EEFSEC: variants seen among roughly 807,000 people sequenced by gnomAD.
EEFSEC encodes the protein selenocysteine-specific elongation factor.
EEFSEC carries 43 observed loss-of-function variants against 42.1 expected under a neutral mutation model. The observed-to-expected ratio is 1.02, with a 90% CI of 0.80 to 1.32. EEFSEC has a LOEUF of 1.32. EEFSEC is among the 40% of genes most tolerant of loss of function. The pLI, the probability that EEFSEC is intolerant of heterozygous loss-of-function variation, is 0.00. For missense variants in EEFSEC, 745 were observed against 803.6 expected, an observed-to-expected ratio of 0.93 and a Z score of 0.88; for synonymous variants, 354 against 339.1, an observed-to-expected ratio of 1.04 and a Z score of -0.48.
the EEFSEC span, among the ~76,000 whole-genome samples, chr3:128,421,248 T>G: frequency 6.6e-6 from 1 of 152,164 alleles, no homozygotes; most frequent in African/African-American, 2.4e-5. Context: ...CTGCACAACC[T>G]CTGAGCAAGC....
intron 1 of EEFSEC, among the ~76,000 whole-genome samples, chr3:128,187,814 C>T (rs1393951883): frequency 1.3e-5 from 2 of 152,136 alleles, no homozygotes; most frequent in South Asian, 2.1e-4. Context: ...GTGTGGAGTC[C>T]TCATGGATGA....
chr3:128,226,050 T>A (rs1035177534), intron 1 of EEFSEC, among the ~76,000 whole-genome samples: 1 of 152,160 alleles, frequency 6.6e-6, no homozygotes, highest in Non-Finnish European at 1.5e-5. Flanking sequence ...CCAATAAGAA[T>A]CGGGGCAGGA....
At chr3:128,272,639 T>A (rs1220188603) in intron 4 of EEFSEC, among the ~76,000 whole-genome samples, 2 of 152,280 alleles carry the variant, frequency 1.3e-5, no homozygotes, top group South Asian at 2.1e-4. Context: ...AAAGTATCAT[T>A]TATGATATGA....
intron 1 of EEFSEC, among the ~76,000 whole-genome samples, chr3:128,213,167 G>A (rs933880180): frequency 6.6e-6 from 1 of 152,354 alleles, no homozygotes; most frequent in South Asian, 2.1e-4. Flanking sequence ...GACCTGGGTT[G>A]TGGCAGTTGC....
At chr3:128,337,681 C>T (rs1193021850) in intron 4 of EEFSEC, among the ~76,000 whole-genome samples, 3 of 152,254 alleles carry the variant, frequency 2.0e-5, no homozygotes, top group African/African-American at 4.8e-5. Flanking sequence ...TCAGCAGCTC[C>T]TGTGCTGGGC....
chr3:128,402,471 G>C (rs575091862), intron 6 of EEFSEC, among the ~76,000 whole-genome samples: 4 of 152,170 alleles, frequency 2.6e-5, no homozygotes, highest in Non-Finnish European at 5.9e-5. Context: ...AAAACGTGCC[G>C]CTCCCTTAGT....
intron 1 of EEFSEC, among the ~76,000 whole-genome samples, chr3:128,186,619 A>C (rs2065467828): frequency 6.6e-6 from 1 of 152,208 alleles, no homozygotes; most frequent in African/African-American, 2.4e-5. Context: ...GTAGAGGTCC[A>C]ACTTAATTCT....
chr3:128,423,547 G>A, the EEFSEC span, among the ~76,000 whole-genome samples: 1 of 152,230 alleles, frequency 6.6e-6, no homozygotes, highest in African/African-American at 2.4e-5. Flanking sequence ...GATGGACCAT[G>A]AAGGCATTGT....
chr3:128,306,451 T>C (rs2066828418), intron 4 of EEFSEC, among the ~76,000 whole-genome samples: 1 of 152,222 alleles, frequency 6.6e-6, no homozygotes, highest in Non-Finnish European at 1.5e-5. Flanking sequence ...TCATTTAACC[T>C]CCTCTGCCTA....
intron 5 of EEFSEC, 88 bp from the exon 6 acceptor site, chr3:128,358,129 C>T (rs957025169): frequency 1.6e-5 from 24 of 1,533,818 alleles, no homozygotes; most frequent in African/African-American, 8.2e-5. Context: ...GCCTAGGGCC[C>T]GGGAGAGCTG....
intron 6 of EEFSEC, among the ~76,000 whole-genome samples, chr3:128,368,825 G>A (rs759364540): frequency 1.3e-5 from 2 of 152,248 alleles, no homozygotes; most frequent in African/African-American, 2.4e-5. Flanking sequence ...TGCCTGCACC[G>A]CATGAGCCTG....
chr3:128,378,846 C>G (rs59131403), intron 6 of EEFSEC, among the ~76,000 whole-genome samples: 2,813 of 152,288 alleles, frequency 0.018, 95 homozygotes, highest in African/African-American at 0.063. Context: ...TCAGGGCAGT[C>G]TGGATGTACT....
At chr3:128,306,141 C>A (rs921089809) in intron 4 of EEFSEC, among the ~76,000 whole-genome samples, 7 of 152,070 alleles carry the variant, frequency 4.6e-5, no homozygotes, top group African/African-American at 1.7e-4. Flanking sequence ...GTCATGTCAG[C>A]TGTTTGGAGT....
At chr3:128,370,491 G>A (rs2067641171) in intron 6 of EEFSEC, among the ~76,000 whole-genome samples, 1 of 152,174 alleles carries the variant, frequency 6.6e-6, no homozygotes, top group Non-Finnish European at 1.5e-5. Context: ...CGGTCTGGCA[G>A]CAGTGAGGCA....
chr3:128,294,744 G>A (rs2066683813), intron 4 of EEFSEC, among the ~76,000 whole-genome samples: 1 of 152,220 alleles, frequency 6.6e-6, no homozygotes, highest in Non-Finnish European at 1.5e-5. Flanking sequence ...GGTAAGGGGA[G>A]GGTATTCCCA....
chr3:128,277,126 G>A (rs1391374681), intron 4 of EEFSEC, among the ~76,000 whole-genome samples: 1 of 152,256 alleles, frequency 6.6e-6, no homozygotes, highest in Non-Finnish European at 1.5e-5. Flanking sequence ...GCCCCTCACT[G>A]CCCTGGCATC....
At chr3:128,383,151 C>A (rs2067797129) in intron 6 of EEFSEC, among the ~76,000 whole-genome samples, 3 of 152,234 alleles carry the variant, frequency 2.0e-5, no homozygotes, top group Admixed American at 6.5e-5. Context: ...AAACCCAGCA[C>A]CATCCCGCTG....
chr3:128,192,562 A>G (rs1282761855), intron 1 of EEFSEC, among the ~76,000 whole-genome samples: 2 of 152,084 alleles, frequency 1.3e-5, no homozygotes, highest in African/African-American at 4.8e-5. Flanking sequence ...TCACAAACGT[A>G]TTTTTATAGT....
At chr3:128,166,509 G>A (rs765688516) in intron 1 of EEFSEC, among the ~76,000 whole-genome samples, 2 of 152,078 alleles carry the variant, frequency 1.3e-5, no homozygotes, top group Non-Finnish European at 2.9e-5. Context: ...ATTTGACAGC[G>A]CAGGGCTGGA....
Sources: allele counts gnomAD v4.1 joint callset (sites outside exome capture counted in the v4.1 genomes callset), GRCh38; gene constraint gnomAD v4.1.1; transcripts MANE v1.5; gene names NCBI Gene and HGNC (gene_info 2026-07-23, HGNC 2026-07-21).